Variants in PLAC8 observed in about 807,000 individuals in gnomAD.
PLAC8 encodes placenta-specific gene 8 protein.
In PLAC8, 6 loss-of-function variants were observed where a neutral mutation model predicts 12.6. The observed-to-expected ratio is 0.48, with a 90% CI of 0.26 to 0.94. The LOEUF is 0.94. PLAC8 is among the 40% of genes least tolerant of loss of function. The probability of loss-of-function intolerance (pLI) is 0.14; values close to 1 mark genes in which losing one functional copy is unlikely to be tolerated. For synonymous variants in PLAC8, 54 were observed against 52.6 expected, an observed-to-expected ratio of 1.03 and a Z score of -0.11; for missense variants, 122 against 152.7, an observed-to-expected ratio of 0.80 and a Z score of 1.06.
intron 3 of PLAC8, among the ~76,000 whole-genome samples, chr4:83,102,669 G>A (rs1560454702): frequency 6.6e-6 from 1 of 152,242 alleles, no homozygotes; most frequent in East Asian, 1.9e-4. Flanking sequence ...AGTAGAGAAA[G>A]TAACTACAGA....
Position 83,114,724 on chromosome 4 carries a change from A to G in PLAC8, c.-88T>C, listed in dbSNP as rs753844906. ...TTGTGGCCTGGGAGAGAATCTCACC[A>G]CAAATGAAAACTACGTGAAAGGGGA... On this transcript the variant is annotated 5_prime_UTR_variant, in exon 1 of 5. Transcript: ENST00000311507. The G allele has an allele frequency of 6.6e-6, 1 of 152,194 alleles. No homozygotes were observed. The highest frequency in any genetic ancestry group is 1.5e-5 in the Non-Finnish European group (1 of 68,030). 9.4% of individuals were successfully genotyped at this position (152,194 alleles called of 1,614,324 possible). A position where few individuals can be genotyped will look rare whatever the true frequency, so the allele number is the denominator to read the frequency against.
At chr4:83,093,307 G>A (rs1292416563) in intron 4 of PLAC8, 2 of 152,190 alleles carry the variant, frequency 1.3e-5, no homozygotes, top group African/African-American at 4.8e-5. Context: ...TACTTTTTCA[G>A]TTCTATGGGT....
intron 1 of PLAC8, among the ~76,000 whole-genome samples, chr4:83,113,501 T>G (rs774661053): frequency 6.6e-5 from 10 of 152,328 alleles, no homozygotes; most frequent in Non-Finnish European, 1.2e-4. Context: ...AAATATTTTA[T>G]TGAGTGCCAG....
intron 1 of PLAC8, among the ~76,000 whole-genome samples, chr4:83,112,666 T>G (rs2126144880): frequency 6.6e-6 from 1 of 152,358 alleles, no homozygotes; most frequent in Admixed American, 6.5e-5. Flanking sequence ...TTCAAAGAAA[T>G]ACCTTCTTGA....
At position 83,097,867 on chromosome 4, in the gene PLAC8, T is replaced by A. The variant is rs547075858; in HGVS notation, c.244-3076A>T. On this transcript the variant is annotated intron_variant, in intron 3 of 4. Transcript: ENST00000311507. The stretch of plus-strand genomic sequence containing the variant: ...TTTTGTCTAGTTTTGAGGGTTTTTT[T>A]TTTTTTTTTTGAGATGGAGTCTCGC... 3.2e-3 allele frequency among the ~76,000 whole-genome samples: 485 copies of A among 150,734 alleles called. 4 individuals are homozygous for A. The highest frequency in any genetic ancestry group is 0.011 in the African/African-American group (473 of 41,194).
At position 83,104,909 on chromosome 4, in the gene PLAC8, C is replaced by A; in HGVS notation, c.230G>T (p.Arg77Leu). ...SVAMRTLYRT[R>L]YGIPGSICDD... ...TAAGAGACTCACAGGGATGCCATAT[C>A]GGGTCCTGTAGAGAGTCCTCATTGC... The change falls in exon 3 of 5, where the codon CGA becomes CTA. Residue 77 changes from arginine (R) to leucine (L), a missense_variant. Arg to Leu is a moderately radical substitution (Grantham distance 102). Transcript: ENST00000311507. The A allele has an allele frequency of 1.2e-6, 2 of 1,614,028 alleles. No individual in the cohort carries two copies. Among genetic ancestry groups the A allele is most frequent in the Non-Finnish European group, 8.5e-7 (1 of 1,179,954 alleles).
chr4:83,099,874 C>T (rs1478672501), intron 3 of PLAC8, among the ~76,000 whole-genome samples: 3 of 150,968 alleles, frequency 2.0e-5, no homozygotes, highest in Admixed American at 6.6e-5. Flanking sequence ...GGTGTGGTGA[C>T]GCACACCCGT....
chr4:83,112,797 T>G (rs991867060), intron 1 of PLAC8, among the ~76,000 whole-genome samples: 23 of 152,360 alleles, frequency 1.5e-4, no homozygotes, highest in African/African-American at 5.5e-4. Context: ...TGTAAAATTG[T>G]TGCTTGTTCA....
At chr4:83,096,622 A>G (rs1331414244) in intron 3 of PLAC8, among the ~76,000 whole-genome samples, 1 of 152,218 alleles carries the variant, frequency 6.6e-6, no homozygotes, top group Non-Finnish European at 1.5e-5. Context: ...ATTTTGTTCT[A>G]TGCCTATGAC....
At chr4:83,105,200 T>A (rs1173442797) in intron 2 of PLAC8, among the ~76,000 whole-genome samples, 180 bp from the exon 3 acceptor site, 1 of 152,254 alleles carries the variant, frequency 6.6e-6, no homozygotes, top group Admixed American at 6.5e-5. Context: ...CACCCGCAAA[T>A]CATTTCAGGA....
At chr4:83,112,204 GTATATATATATATGTA>G (rs61522679) in intron 1 of PLAC8, among the ~76,000 whole-genome samples, 104,382 of 128,528 alleles carry the variant, frequency 0.81, 41,739 homozygotes, top group East Asian at 0.95. Flanking sequence ...ATATATATAT[GTATATATATATATGTA>G]TATATATATA....
Position 83,107,938 on chromosome 4 carries a change from T to A in PLAC8, c.-17A>T. 7.6e-7 allele frequency: 1 copy of A among 1,316,606 alleles called. No individual in the cohort carries two copies. The highest frequency in any genetic ancestry group is 1.0e-6 in the Non-Finnish European group (1 of 986,488). The allele number at this position is 1,316,606 out of a possible 1,614,324, so 81.6% of individuals were successfully genotyped here. A position where few individuals can be genotyped will look rare whatever the true frequency, so the allele number is the denominator to read the frequency against. On this transcript the variant is annotated 5_prime_UTR_variant, in exon 2 of 5. Coordinates refer to ENST00000311507, the MANE Select transcript of PLAC8 (RefSeq NM_016619.3). ...AGCTTGCATTTTCAGTGCAGGGCCT[T>A]AAAAGCAGTGGACTGAAAAGGCAGA...
rs562468661 is a variant in PLAC8, at chr4:83,108,255, TCCACCCTTC to T, written c.-29-314_-29-306del. ...CTGTTTGAAGAACAGAATTTCTATC[TCCACCCTTC>T]ACAAGATAGAGACCCTGGGGGTGAG... On this transcript the variant is annotated intron_variant, in intron 1 of 4. Coordinates refer to ENST00000311507, the MANE Select transcript of PLAC8 (RefSeq NM_016619.3). Among the ~76,000 whole-genome samples, 293 of 152,110 alleles carry T rather than the reference TCCACCCTTC, an allele frequency of 1.9e-3. 2 individuals carry two copies. Among genetic ancestry groups the T allele is most frequent in the African/African-American group, 6.4e-3 (266 of 41,478 alleles).
rs190013396 is a variant in PLAC8, at chr4:83,100,037, G to A, written c.243+4859C>T. Among the ~76,000 whole-genome samples the A allele has an allele frequency of 6.4e-3, 953 of 149,476 alleles. 12 individuals are homozygous for A. Among genetic ancestry groups the A allele is most frequent in the African/African-American group, 0.023 (920 of 40,454 alleles). ...AAAAACAAAAAACTGCCGGGCGCGC[G>A]AGGCGGGCAGATCACAAGGTCAGGA... On this transcript the variant is annotated intron_variant, in intron 3 of 4. Transcript: ENST00000311507.
chr4:83,102,442 G>C (rs962843338), intron 3 of PLAC8, among the ~76,000 whole-genome samples: 1 of 152,224 alleles, frequency 6.6e-6, no homozygotes, highest in Non-Finnish European at 1.5e-5. Context: ...AGGAGGCTGA[G>C]GTGGGAGAAT....
intron 1 of PLAC8, among the ~76,000 whole-genome samples, chr4:83,110,935 G>A (rs866540960): frequency 5.3e-5 from 8 of 152,308 alleles, no homozygotes; most frequent in Middle Eastern, 3.4e-3. Flanking sequence ...ATGTCAAGTG[G>A]CTATCCCTAG....
intron 3 of PLAC8, among the ~76,000 whole-genome samples, chr4:83,103,052 C>G (rs1019581938): frequency 7.0e-6 from 1 of 143,286 alleles, no homozygotes; most frequent in Non-Finnish European, 1.5e-5. Flanking sequence ...CGCCACTGCA[C>G]TCCAGCCTGG....
At chr4:83,091,907 G>A (rs1332578179) in intron 4 of PLAC8, among the ~76,000 whole-genome samples, 1 of 152,036 alleles carries the variant, frequency 6.6e-6, no homozygotes, top group Non-Finnish European at 1.5e-5. Context: ...TATACTTTGG[G>A]TTATAATCTA....
intron 3 of PLAC8, among the ~76,000 whole-genome samples, chr4:83,096,544 C>T (rs1731930992): frequency 1.3e-5 from 2 of 152,140 alleles, no homozygotes; most frequent in Non-Finnish European, 2.9e-5. Flanking sequence ...ACAATCTAAT[C>T]CCTTTCTACC....
Sources: gnomAD v4.1 joint callset for allele counts (sites outside exome capture counted in the v4.1 genomes callset) on GRCh38, gnomAD v4.1.1 for gene constraint, MANE v1.5 for transcripts, NCBI Gene and HGNC (gene_info 2026-07-23, HGNC 2026-07-21) for gene names.